Variants in KLF8 observed in about 807,000 individuals in gnomAD.
KLF8 encodes KLF transcription factor 8.
In KLF8, 10 loss-of-function variants were observed where a neutral mutation model predicts 18.2. The observed-to-expected ratio is 0.55, with a 90% CI of 0.34 to 0.93. The LOEUF (loss-of-function observed/expected upper bound fraction) is 0.93. Ranked by LOEUF, KLF8 falls within the 40% of genes least tolerant of loss-of-function variation. KLF8 has a pLI of 0.02. For missense variants in KLF8, 264 were observed against 277.9 expected (o/e 0.95, Z 0.36); for synonymous variants, 109 against 97.3 (o/e 1.12, Z -0.71).
At chrX:55,932,938 A>T in the KLF8 span, among the ~76,000 whole-genome samples, 1 of 111,808 alleles carries the variant, frequency 8.9e-6, no homozygotes, top group South Asian at 3.7e-4. Context: ...AGTGCACCCT[A>T]CACTTGGGAG....
the KLF8 span, among the ~76,000 whole-genome samples, chrX:56,079,009 C>G: frequency 5.5e-5 from 6 of 108,838 alleles, no homozygotes; most frequent in Non-Finnish European, 1.2e-4. Context: ...CATTTTTTAT[C>G]ACGTCTACTT....
At chrX:56,048,785 C>G in the KLF8 span, among the ~76,000 whole-genome samples, 1 of 111,473 alleles carries the variant, frequency 9.0e-6, no homozygotes, top group Non-Finnish European at 1.9e-5. Context: ...TTTAAAGTAG[C>G]TATTTCCAAT....
At chrX:56,036,679 T>C in the KLF8 span, among the ~76,000 whole-genome samples, 1 of 112,000 alleles carries the variant, frequency 8.9e-6, no homozygotes, top group African/African-American at 3.2e-5. Context: ...TGTAGTTCCA[T>C]ACATATTTTA....
At chrX:56,017,159 A>G in the KLF8 span, among the ~76,000 whole-genome samples, 5 of 112,266 alleles carry the variant, frequency 4.5e-5, no homozygotes, top group East Asian at 5.6e-4. Flanking sequence ...AGCAGGATCT[A>G]TATGTTTTTA....
At chrX:56,139,498 G>A in the KLF8 span, among the ~76,000 whole-genome samples, 8,658 of 111,082 alleles carry the variant, frequency 0.078, 830 homozygotes, top group African/African-American at 0.27. Context: ...AAATAAAATA[G>A]CACACTTACA....
At chrX:55,935,669 G>A in the KLF8 span, among the ~76,000 whole-genome samples, 1 of 112,217 alleles carries the variant, frequency 8.9e-6, no homozygotes. Context: ...CATAATATTA[G>A]AGTGGAGGAC....
chrX:56,023,894 T>A, the KLF8 span, among the ~76,000 whole-genome samples: 1 of 111,859 alleles, frequency 8.9e-6, no homozygotes, highest in Non-Finnish European at 1.9e-5. Flanking sequence ...GATGGACATT[T>A]ATTTAGGTTG....
At chrX:56,058,725 C>T in the KLF8 span, among the ~76,000 whole-genome samples, 1 of 110,813 alleles carries the variant, frequency 9.0e-6, no homozygotes, top group South Asian at 3.8e-4. Flanking sequence ...TGTATATGTG[C>T]CACATTTTCT....
chrX:56,062,939 T>C, the KLF8 span, among the ~76,000 whole-genome samples: 5 of 110,734 alleles, frequency 4.5e-5, no homozygotes, highest in Non-Finnish European at 3.8e-5. Flanking sequence ...ATATCCTTTC[T>C]TTTGCTTGAT....
the KLF8 span, among the ~76,000 whole-genome samples, chrX:56,004,373 G>T: frequency 4.5e-5 from 5 of 111,941 alleles, no homozygotes; most frequent in African/African-American, 1.6e-4. Flanking sequence ...TTGGGGGAGA[G>T]TTTAATACTG....
chrX:56,153,716 G>A, the KLF8 span, among the ~76,000 whole-genome samples: 14 of 111,161 alleles, frequency 1.3e-4, no homozygotes, highest in African/African-American at 4.6e-4. Flanking sequence ...TAAGCTGATA[G>A]GCAACTTCAG....
chrX:56,184,867 C>G, the KLF8 span, among the ~76,000 whole-genome samples: 1 of 112,009 alleles, frequency 8.9e-6, no homozygotes, highest in South Asian at 3.7e-4. Flanking sequence ...CACCAAAAAC[C>G]CATCTGTACA....
chrX:56,276,371 G>C (rs993544041), intron 5 of KLF8, among the ~76,000 whole-genome samples: 8 of 111,187 alleles, frequency 7.2e-5, no homozygotes. Context: ...ATTTCTTATT[G>C]CTCATTAATG....
chrX:56,208,653 G>A, the KLF8 span, among the ~76,000 whole-genome samples: 1 of 110,268 alleles, frequency 9.1e-6, no homozygotes. Context: ...CATAGGTTTT[G>A]GTATGTTGTG....
the KLF8 span, among the ~76,000 whole-genome samples, chrX:56,036,156 A>G: frequency 9.0e-6 from 1 of 111,449 alleles, no homozygotes. Flanking sequence ...ACATAGTAGT[A>G]TTTTGATACA....
chrX:56,142,797 G>A, the KLF8 span, among the ~76,000 whole-genome samples: 3 of 111,621 alleles, frequency 2.7e-5, no homozygotes, highest in Non-Finnish European at 5.6e-5. Flanking sequence ...TCTCTTGGAA[G>A]TCTCTGTGAC....
At chrX:55,934,030 AAC>A in the KLF8 span, among the ~76,000 whole-genome samples, 2 of 112,078 alleles carry the variant, frequency 1.8e-5, no homozygotes, top group African/African-American at 6.5e-5. Flanking sequence ...AACAACAAAC[AAC>A]AATGTGTATC....
the KLF8 span, among the ~76,000 whole-genome samples, chrX:56,198,933 C>G: frequency 6.3e-5 from 7 of 111,431 alleles, no homozygotes; most frequent in African/African-American, 1.6e-4. Context: ...AGAAATAACA[C>G]CACACATCTA....
At chrX:55,993,278 T>A in the KLF8 span, among the ~76,000 whole-genome samples, 5 of 112,021 alleles carry the variant, frequency 4.5e-5, no homozygotes, top group African/African-American at 1.6e-4. Flanking sequence ...GTTCCTTCAA[T>A]GCTTAGTTTG....
Sources: allele counts gnomAD v4.1 joint callset (sites outside exome capture counted in the v4.1 genomes callset), GRCh38; gene constraint gnomAD v4.1.1; transcripts MANE v1.5; gene names NCBI Gene and HGNC (gene_info 2026-07-23, HGNC 2026-07-21).